SNX31: variants seen among roughly 807,000 people sequenced by gnomAD.
SNX31 encodes the protein sorting nexin 31.
In SNX31, 58 loss-of-function variants were observed where a neutral mutation model predicts 65.4. The observed-to-expected ratio is 0.89, with a 90% CI of 0.72 to 1.10. The LOEUF is 1.10. SNX31 is among the 50% of genes least tolerant of loss of function. The probability of loss-of-function intolerance (pLI) is 0.00; values close to 1 mark genes in which losing one functional copy is unlikely to be tolerated. For missense variants in SNX31, 523 were observed against 529.7 expected (o/e 0.99, Z 0.12); for synonymous variants, 181 against 190.1 (o/e 0.95, Z 0.39).
intron 11 of SNX31, among the ~76,000 whole-genome samples, chr8:100,584,661 T>A (rs1813866840): frequency 6.6e-6 from 1 of 152,010 alleles, no homozygotes; most frequent in Non-Finnish European, 1.5e-5. Context: ...TGAAGGAATA[T>A]ATTAGCACCT....
chr8:100,643,712 C>G (rs1170949122), intron 2 of SNX31, among the ~76,000 whole-genome samples: 1 of 152,150 alleles, frequency 6.6e-6, no homozygotes, highest in Non-Finnish European at 1.5e-5. Context: ...CTTCTCACTG[C>G]TGTCATCATC....
At chr8:100,574,543 G>A (rs978981574) in intron 13 of SNX31, among the ~76,000 whole-genome samples, 1 of 151,100 alleles carries the variant, frequency 6.6e-6, no homozygotes, top group Non-Finnish European at 1.5e-5. Flanking sequence ...TGAGGCAGGG[G>A]AATCACTTGA....
Position 100,608,531 on chromosome 8 carries a change from A to C in SNX31, c.644T>G (p.Met215Arg), listed in dbSNP as rs1816398972. ...CAAATCTACCGCCACCCTGCAGTCC[A>C]TCAGCACGGAGTCGAGGGATGGAGC... ...YMAPSLDSVL[M>R]DCRVAVDLLY... The change falls in exon 8 of 14, where the codon ATG becomes AGG. Residue 215 changes from methionine (M) to arginine (R), a missense_variant. By Grantham distance (91) the Met-to-Arg change is moderately conservative (BLOSUM62 -1). Transcript: ENST00000311812. 6.2e-7 allele frequency: 1 copy of C among 1,614,078 alleles called. No individual in the cohort carries two copies.
intron 9 of SNX31, among the ~76,000 whole-genome samples, chr8:100,599,911 G>C (rs1815462777): frequency 6.6e-6 from 1 of 152,222 alleles, no homozygotes; most frequent in South Asian, 2.1e-4. Flanking sequence ...GCCAGGAACT[G>C]TACCAGGTGC....
At chr8:100,585,404 G>A (rs1790254041) in intron 11 of SNX31, among the ~76,000 whole-genome samples, 1 of 152,140 alleles carries the variant, frequency 6.6e-6, no homozygotes, top group Non-Finnish European at 1.5e-5. Flanking sequence ...AGAGGAGAAG[G>A]GAGGAGAGAG....
chr8:100,652,595 T>G (rs1395648624), upstream of SNX31, among the ~76,000 whole-genome samples: 1 of 152,180 alleles, frequency 6.6e-6, no homozygotes, highest in Non-Finnish European at 1.5e-5. Flanking sequence ...ATGCACTATT[T>G]CCTACTTTGA....
chr8:100,636,049 C>T lies in SNX31; in HGVS notation c.142-38G>A, dbSNP rs766516293. On this transcript the variant is annotated intron_variant, in intron 2 of 13. Transcript: ENST00000311812. ...GGAAACACAGTTAAGGCAGGTGAGC[C>T]GCCAGTTCAGGGTTGATGAGATTAC... is the stretch of plus-strand genomic sequence containing the variant. 4.8e-5 allele frequency: 72 copies of T among 1,504,312 alleles called. No homozygotes were observed. In the East Asian group the frequency reaches 1.2e-3, roughly 26 times the overall value. 93.2% of individuals were successfully genotyped at this position (1,504,312 alleles called of 1,614,324 possible).
chr8:100,610,059 G>T lies in SNX31; in HGVS notation c.612-1496C>A, dbSNP rs1033291878. 6.6e-6 allele frequency among the ~76,000 whole-genome samples: 1 copy of T among 152,212 alleles called. No individual in the cohort carries two copies. The highest frequency in any genetic ancestry group is 1.5e-5 in the Non-Finnish European group (1 of 68,032). Reference sequence around the variant, plus strand: ...TGGAAAGAGGGCAAGGCACCTGCAGGAGCCTATGCCAGAATCTCCCCTCCA... The same window carrying T: ...TGGAAAGAGGGCAAGGCACCTGCAGTAGCCTATGCCAGAATCTCCCCTCCA... On this transcript the variant is annotated intron_variant, in intron 7 of 13. Coordinates refer to ENST00000311812, the MANE Select transcript of SNX31 (RefSeq NM_152628.4). The surrounding 1 kb of genome is among the most constrained non-coding windows in gnomAD (Gnocchi z 4.0).
chr8:100,641,625 CATATATATATATATATATATAT>C (rs368399829), intron 2 of SNX31, among the ~76,000 whole-genome samples: 3 of 48,836 alleles, frequency 6.1e-5, no homozygotes, highest in Non-Finnish European at 1.0e-4. Context: ...CACACACGCG[CATATATATATATATATATATAT>C]ATATATATAT....
chr8:100,593,711 C>T (rs1303352728), intron 10 of SNX31, among the ~76,000 whole-genome samples: 1 of 152,040 alleles, frequency 6.6e-6, no homozygotes, highest in Non-Finnish European at 1.5e-5. Context: ...ACCTCGGCCT[C>T]CCAAAGTGCT....
At chr8:100,599,033 T>C (rs1000761972) in intron 9 of SNX31, among the ~76,000 whole-genome samples, 2 of 152,256 alleles carry the variant, frequency 1.3e-5, no homozygotes, top group Non-Finnish European at 2.9e-5. Context: ...TTAATGTGTT[T>C]GCTCCATTAG....
At chr8:100,615,793 G>A (rs375678576) in intron 5 of SNX31, among the ~76,000 whole-genome samples, 3 of 152,214 alleles carry the variant, frequency 2.0e-5, no homozygotes, top group South Asian at 2.1e-4. Context: ...TTTTGGAGAC[G>A]GAGTCTTGCT....
Position 100,613,491 on chromosome 8 carries a change from C to T in SNX31, c.433-406G>A, listed in dbSNP as rs1291078524. Among the ~76,000 whole-genome samples the T allele has an allele frequency of 2.6e-5, 4 of 152,156 alleles. No individual in the cohort carries two copies. Among genetic ancestry groups the T allele is most frequent in the South Asian group, 4.2e-4 (2 of 4,816 alleles). On this transcript the variant is annotated intron_variant, in intron 5 of 13. Coordinates refer to ENST00000311812, the MANE Select transcript of SNX31 (RefSeq NM_152628.4). This position sits in a 1 kb window ranked among gnomAD's most constrained non-coding sequence, Gnocchi z 5.2. ...CACTAGTTTACCTTCCTGTGGGCTG[C>T]ATTACCAGCTATTTGGAAAAGGATC...
rs1440464482 is a variant in SNX31 at position 100,626,099 on chromosome 8, G to T, written c.321+4228C>A. Among the ~76,000 whole-genome samples, 1 of 152,108 alleles carries T rather than the reference G, an allele frequency of 6.6e-6. No homozygotes were observed. Among genetic ancestry groups the T allele is most frequent in the Non-Finnish European group, 1.5e-5 (1 of 68,024 alleles). On this transcript the variant is annotated intron_variant, in intron 4 of 13. Transcript: ENST00000311812. This position sits in a 1 kb window ranked among gnomAD's most constrained non-coding sequence, Gnocchi z 4.4. ...AAATTAACTGGGTGTGGTGGCATGC[G>T]CCTGTAGTCCCAGCAACTCAGGAGG...
At chr8:100,581,333 C>CTG in intron 12 of SNX31, among the ~76,000 whole-genome samples, 1 of 137,202 alleles carries the variant, frequency 7.3e-6, no homozygotes, top group Non-Finnish European at 1.5e-5. Context: ...ATCTATCTAT[C>CTG]TATCTATATA....
Position 100,649,623 on chromosome 8 carries a change from C to G in SNX31, c.-109G>C, listed in dbSNP as rs907228187. ...ACGCAGCGCGGCCTGCCACGCGACTCAGAGCGAACCCCGGCGCCCGCTCTC... is the reference window on the plus strand; with the variant it reads ...ACGCAGCGCGGCCTGCCACGCGACTGAGAGCGAACCCCGGCGCCCGCTCTC... On this transcript the variant is annotated 5_prime_UTR_variant, in exon 1 of 14. An upstream open reading frame in the 5' UTR loses its in-frame stop. Coordinates refer to ENST00000311812, the MANE Select transcript of SNX31 (RefSeq NM_152628.4). The G allele has an allele frequency of 8.6e-5, 94 of 1,093,714 alleles. No homozygotes were observed. Among genetic ancestry groups the G allele is most frequent in the Non-Finnish European group, 1.1e-4 (89 of 774,594 alleles). 67.8% of individuals were successfully genotyped at this position (1,093,714 alleles called of 1,614,324 possible). A position where few individuals can be genotyped will look rare whatever the true frequency, so the allele number is the denominator to read the frequency against.
rs1813094908 is a variant in SNX31, at chr8:100,576,959, G to A, written c.1227+60C>T. On this transcript the variant is annotated intron_variant, in intron 13 of 13. Transcript: ENST00000311812. This position sits in a 1 kb window ranked among gnomAD's most constrained non-coding sequence, Gnocchi z 4.8. ...AAGTGAGATGACTTTGGTTAAAGAG[G>A]AAAAAAGATCAGATTTATCAAAATT... 4 of 1,380,488 alleles carry A rather than the reference G, an allele frequency of 2.9e-6. No homozygotes were observed. Among genetic ancestry groups the A allele is most frequent in the Non-Finnish European group, 4.1e-6 (4 of 983,176 alleles). 85.5% of individuals were successfully genotyped at this position (1,380,488 alleles called of 1,614,324 possible). A position where few individuals can be genotyped will look rare whatever the true frequency, so the allele number is the denominator to read the frequency against.
At chr8:100,641,625 CATATATAT>C (rs368399829) in intron 2 of SNX31, among the ~76,000 whole-genome samples, 3,684 of 48,226 alleles carry the variant, frequency 0.076, 140 homozygotes, top group African/African-American at 0.17. Context: ...CACACACGCG[CATATATAT>C]ATATATATAT....
chr8:100,590,901 A>G (rs1347269466), intron 10 of SNX31, among the ~76,000 whole-genome samples: 1 of 152,192 alleles, frequency 6.6e-6, no homozygotes, highest in African/African-American at 2.4e-5. Flanking sequence ...AAATGAAGTG[A>G]GCCCCATAAT....
Sources: gnomAD v4.1 joint callset for allele counts (sites outside exome capture counted in the v4.1 genomes callset) on GRCh38, gnomAD v4.1.1 for gene constraint, Gnocchi (gnomAD v3.1) non-coding constraint, MANE v1.5 for transcripts, NCBI Gene and HGNC (gene_info 2026-07-23, HGNC 2026-07-21) for gene names.